The following STK39 variants were observed in gnomAD, a reference collection of about 807,000 sequenced individuals.
STK39 encodes the protein STE20/SPS1-related proline-alanine-rich protein kinase.
A neutral mutation model predicts 77.8 loss-of-function variants in STK39; 20 were observed. That is an observed-to-expected ratio of 0.26 (90% CI 0.18 to 0.37). The LOEUF (loss-of-function observed/expected upper bound fraction) is 0.37. Ranked by LOEUF, STK39 falls within the 10% of genes least tolerant of loss-of-function variation. STK39 has a pLI of 1.00. For missense variants in STK39, 479 were observed against 656.5 expected (o/e 0.73, Z 2.95); for synonymous variants, 246 against 234.1 (o/e 1.05, Z -0.47).
chr2:168,165,982 G>C (rs1337398188), intron 3 of STK39, among the ~76,000 whole-genome samples: 1 of 152,122 alleles, frequency 6.6e-6, no homozygotes, highest in Non-Finnish European at 1.5e-5. Flanking sequence ...CAGAGATGTG[G>C]GTATGCTGGG....
At chr2:168,238,535 C>T (rs1690678215) in intron 1 of STK39, among the ~76,000 whole-genome samples, 1 of 152,306 alleles carries the variant, frequency 6.6e-6, no homozygotes, top group African/African-American at 2.4e-5. Context: ...TATCAAAATA[C>T]ACAATCAGTT....
At chr2:168,151,437 A>G (rs1337656903) in intron 5 of STK39, among the ~76,000 whole-genome samples, 1 of 152,120 alleles carries the variant, frequency 6.6e-6, no homozygotes, top group African/African-American at 2.4e-5. Flanking sequence ...ACGATAGAAA[A>G]ATTGAAAGAA....
At chr2:168,209,356 A>T (rs886915007) in intron 1 of STK39, among the ~76,000 whole-genome samples, 1 of 152,148 alleles carries the variant, frequency 6.6e-6, no homozygotes, top group Non-Finnish European at 1.5e-5. Context: ...GATATATATA[A>T]CTTTGAAACC....
chr2:168,199,788 C>A (rs1689567870), intron 1 of STK39, among the ~76,000 whole-genome samples: 1 of 152,042 alleles, frequency 6.6e-6, no homozygotes, highest in Non-Finnish European at 1.5e-5. Flanking sequence ...GCTGGGATTA[C>A]AGGCGTGAGC....
chr2:167,974,103 T>C (rs1380282712), intron 16 of STK39, among the ~76,000 whole-genome samples: 1 of 152,180 alleles, frequency 6.6e-6, no homozygotes, highest in African/African-American at 2.4e-5. Flanking sequence ...AATTTTCATG[T>C]AATATTAAAA....
chr2:168,063,697 C>A, intron 13 of STK39, 127 bp from the exon 14 acceptor site: 1 of 772,752 alleles, frequency 1.3e-6, no homozygotes. Flanking sequence ...TTTACACACG[C>A]AGGCCTTCTT....
chr2:168,095,623 C>CTTTTTT (rs567675524), intron 10 of STK39, among the ~76,000 whole-genome samples: 7 of 116,078 alleles, frequency 6.0e-5, no homozygotes, highest in South Asian at 2.7e-4. Context: ...GTATCTCTTT[C>CTTTTTT]TTTTTTTTTT....
chr2:168,121,035 G>A (rs1375418220), intron 10 of STK39, among the ~76,000 whole-genome samples: 1 of 152,126 alleles, frequency 6.6e-6, no homozygotes, highest in Non-Finnish European at 1.5e-5. Context: ...AATGGTGGCC[G>A]ACTCACTCTG....
At chr2:168,025,586 A>T (rs1396485056) in intron 14 of STK39, among the ~76,000 whole-genome samples, 1 of 152,236 alleles carries the variant, frequency 6.6e-6, no homozygotes, top group Non-Finnish European at 1.5e-5. Context: ...GCTAAGGCTA[A>T]AGACATACAA....
At chr2:167,972,617 T>C (rs1692379472) in intron 16 of STK39, among the ~76,000 whole-genome samples, 1 of 152,228 alleles carries the variant, frequency 6.6e-6, no homozygotes. Context: ...ATTTTCCTTT[T>C]TCTGAACACA....
intron 10 of STK39, among the ~76,000 whole-genome samples, chr2:168,103,772 T>C (rs1686898911): frequency 6.6e-6 from 1 of 152,232 alleles, no homozygotes; most frequent in Admixed American, 6.5e-5. Flanking sequence ...AGAAAAAGGC[T>C]CAACATTTCT....
intron 14 of STK39, among the ~76,000 whole-genome samples, chr2:168,058,820 CACCTTAT>C (rs1685590058): frequency 6.6e-6 from 1 of 152,262 alleles, no homozygotes; most frequent in Admixed American, 6.5e-5. Context: ...CTCTCACAGC[CACCTTAT>C]ATGCTCTCTA....
At chr2:168,138,742 G>C (rs915880554) in intron 7 of STK39, among the ~76,000 whole-genome samples, 1 of 152,150 alleles carries the variant, frequency 6.6e-6, no homozygotes, top group African/African-American at 2.4e-5. Context: ...ATTGCTAAAA[G>C]GCTTGGCAAA....
chr2:167,995,316 G>T (rs1243807884), intron 16 of STK39, among the ~76,000 whole-genome samples: 2 of 152,034 alleles, frequency 1.3e-5, no homozygotes, highest in East Asian at 3.9e-4. Context: ...CACCATGTGG[G>T]CTAGGATGGT....
intron 5 of STK39, among the ~76,000 whole-genome samples, chr2:168,144,498 GTCTC>G (rs1411441002): frequency 6.6e-6 from 1 of 151,548 alleles, no homozygotes; most frequent in Non-Finnish European, 1.5e-5. Flanking sequence ...TAGATATGGG[GTCTC>G]TCTATGTTGC....
At chr2:168,117,709 G>A (rs982432834) in intron 10 of STK39, among the ~76,000 whole-genome samples, 3 of 151,882 alleles carry the variant, frequency 2.0e-5, no homozygotes, top group Non-Finnish European at 4.4e-5. Context: ...TGGTAGAAAA[G>A]TACAATTACC....
chr2:168,157,532 A>C (rs535897003), intron 5 of STK39, among the ~76,000 whole-genome samples: 2 of 152,300 alleles, frequency 1.3e-5, no homozygotes, highest in South Asian at 4.1e-4. Flanking sequence ...AGATTATGGC[A>C]TCGGCAGATT....
intron 14 of STK39, among the ~76,000 whole-genome samples, chr2:168,032,774 A>G (rs1684860493): frequency 6.6e-6 from 1 of 152,236 alleles, no homozygotes; most frequent in Admixed American, 6.5e-5. Context: ...GGAGAGAGGA[A>G]AGAAGCTCTG....
At chr2:167,972,936 C>A (rs1692389941) in intron 16 of STK39, among the ~76,000 whole-genome samples, 2 of 152,152 alleles carry the variant, frequency 1.3e-5, no homozygotes, top group African/African-American at 2.4e-5. Context: ...GTTTTGCCTT[C>A]CAGCTGTGCC....
Sources: allele counts gnomAD v4.1 joint callset (sites outside exome capture counted in the v4.1 genomes callset), GRCh38; gene constraint gnomAD v4.1.1; transcripts MANE v1.5; gene names NCBI Gene and HGNC (gene_info 2026-07-23, HGNC 2026-07-21).